The following LDHC variants were observed in gnomAD, a reference collection of about 807,000 sequenced individuals.
LDHC encodes the protein lactate dehydrogenase C, also known as L-lactate dehydrogenase C chain.
Under a neutral mutation model 30.2 loss-of-function variants are expected in LDHC, and 20 were observed. The ratio of observed to expected loss-of-function variants is 0.66; its 90% confidence interval spans 0.47 to 0.96. The LOEUF is 0.96. Among genes scored for constraint, LDHC ranks in the 40% least tolerant of loss-of-function variants. The pLI, the probability that LDHC is intolerant of heterozygous loss-of-function variation, is 0.00. For synonymous variants in LDHC, 139 were observed against 132.7 expected, an observed-to-expected ratio of 1.05 and a Z score of -0.32; for missense variants, 362 against 394.9, an observed-to-expected ratio of 0.92 and a Z score of 0.71.
intron 3 of LDHC, among the ~76,000 whole-genome samples, chr11:18,418,581 C>A (rs1226488763): frequency 2.6e-5 from 4 of 151,862 alleles, no homozygotes; most frequent in African/African-American, 9.7e-5. Flanking sequence ...AGGTGCATAC[C>A]ACCATGCCCA....
At chr11:18,443,465 T>C (rs1261964518) in intron 6 of LDHC, among the ~76,000 whole-genome samples, 3 of 150,148 alleles carry the variant, frequency 2.0e-5, no homozygotes, top group Non-Finnish European at 1.5e-5. Context: ...TCTTTCTTTT[T>C]TTTTTTTTTT....
At chr11:18,417,891 A>G (rs938300222) in intron 3 of LDHC, among the ~76,000 whole-genome samples, 2 of 152,120 alleles carry the variant, frequency 1.3e-5, no homozygotes, top group African/African-American at 4.8e-5. Flanking sequence ...CAACATAGTG[A>G]GACCCTGTCT....
At chr11:18,433,079 T>C (rs1848296502) in intron 4 of LDHC, among the ~76,000 whole-genome samples, 1 of 152,154 alleles carries the variant, frequency 6.6e-6, no homozygotes, top group African/African-American at 2.4e-5. Context: ...AGGTCCTGTG[T>C]GATTTATGCT....
At chr11:18,423,561 A>T (rs1225815456) in intron 3 of LDHC, among the ~76,000 whole-genome samples, 1 of 152,218 alleles carries the variant, frequency 6.6e-6, no homozygotes, top group Admixed American at 6.5e-5. Context: ...CACACACAAA[A>T]ATCAAAGCCA....
At chr11:18,420,448 G>T (rs1459779278) in intron 3 of LDHC, among the ~76,000 whole-genome samples, 1 of 152,056 alleles carries the variant, frequency 6.6e-6, no homozygotes, top group African/African-American at 2.4e-5. Flanking sequence ...AAGGGAGAGG[G>T]TGACAATAGC....
intron 3 of LDHC, among the ~76,000 whole-genome samples, chr11:18,426,485 C>G (rs922242344): frequency 6.8e-6 from 1 of 147,024 alleles, no homozygotes; most frequent in South Asian, 2.1e-4. Context: ...CAAGATCACG[C>G]CACTCCACTC....
chr11:18,446,173 A>G lies in LDHC; in HGVS notation c.711-37A>G, dbSNP rs1432756610. The G allele has an allele frequency of 2.6e-6, 4 of 1,548,566 alleles. No individual in the cohort carries two copies. The South Asian group carries it at 3.4e-5, about 13-fold the overall frequency. ...TATTATGTTTTCTCTGGGTTGACTTATTATGAATTTGATTTTCTTACTTTC... is the reference window on the plus strand; with the variant it reads ...TATTATGTTTTCTCTGGGTTGACTTGTTATGAATTTGATTTTCTTACTTTC... On this transcript the variant is annotated intron_variant, in intron 6 of 7. Transcript: ENST00000541669.
intron 7 of LDHC, among the ~76,000 whole-genome samples, chr11:18,448,387 G>A (rs12795955): frequency 0.12 from 18,272 of 152,066 alleles, 1,561 homozygotes; most frequent in African/African-American, 0.24. Flanking sequence ...GGGTTCAAGC[G>A]ATTCTTGTGC....
chr11:18,421,553 A>G (rs1848051308), intron 3 of LDHC, among the ~76,000 whole-genome samples: 1 of 151,926 alleles, frequency 6.6e-6, no homozygotes, highest in Non-Finnish European at 1.5e-5. Context: ...CATGCCTATA[A>G]TCCCAGCTAC....
chr11:18,451,171 G>A lies in LDHC; in HGVS notation c.*44G>A, dbSNP rs1848650562. On this transcript the variant is annotated 3_prime_UTR_variant, in exon 8 of 8. Transcript: ENST00000541669. ...TCCACTGTTTGGAGAACAGAAGATA[G>A]CAGGCTGTGTATTTTAAATTTTGAA... 8.2e-7 allele frequency: 1 copy of A among 1,223,432 alleles called. No homozygotes were observed. The highest frequency in any genetic ancestry group is 1.1e-6 in the Non-Finnish European group (1 of 907,284). The allele number at this position is 1,223,432 out of a possible 1,614,324, so 75.8% of individuals were successfully genotyped here.
At chr11:18,412,436 G>T in intron 1 of LDHC, 28 bp downstream of exon 1, 1 of 351,416 alleles carries the variant, frequency 2.8e-6, no homozygotes. Context: ...TGGGTCATCT[G>T]TACTGATTGC....
At chr11:18,445,687 T>G (rs1848542726) in intron 6 of LDHC, among the ~76,000 whole-genome samples, 1 of 152,180 alleles carries the variant, frequency 6.6e-6, no homozygotes, top group Non-Finnish European at 1.5e-5. Flanking sequence ...TTAAAAAAAG[T>G]AGGCTGGGCA....
At chr11:18,421,984 T>C (rs1173359729) in intron 3 of LDHC, among the ~76,000 whole-genome samples, 60 of 150,376 alleles carry the variant, frequency 4.0e-4, no homozygotes, top group African/African-American at 1.5e-3. Context: ...ATTAGCTGCA[T>C]GTGGTGGTGC....
intron 6 of LDHC, among the ~76,000 whole-genome samples, chr11:18,439,819 A>ACC (rs1288745246): frequency 5.6e-5 from 8 of 142,092 alleles, no homozygotes; most frequent in African/African-American, 2.1e-4. Context: ...ACTAAAAAAA[A>ACC]AAAAAAAAAA....
In LDHC at chr11:18,446,230, T is replaced by G; in HGVS notation, c.731T>G (p.Leu244Arg). 20 of 1,601,340 alleles carry G rather than the reference T, an allele frequency of 1.2e-5. No individual in the cohort carries two copies. The highest frequency in any genetic ancestry group is 1.7e-5 in the Non-Finnish European group (20 of 1,168,482). Residue 244 changes from leucine to arginine, a missense_variant, in exon 7 of 8, where the codon CTG becomes CGG. Physicochemically the swap from Leu to Arg is moderately radical, Grantham distance 102 (BLOSUM62 -2). Coordinates refer to ENST00000541669, the MANE Select transcript of LDHC (RefSeq NM_017448.5). ...TGTAGTGCCTATGAAATTATCAAGCTGAAGGGGTATACCTCTTGGGCTATT... is the reference window on the plus strand; with the variant it reads ...TGTAGTGCCTATGAAATTATCAAGCGGAAGGGGTATACCTCTTGGGCTATT... ...VIQSAYEIIK[L>R]KGYTSWAIGL...
chr11:18,412,833 T>C lies in LDHC; in HGVS notation c.116T>C (p.Ile39Thr), dbSNP rs1232472160. 3 of 1,613,372 alleles carry C rather than the reference T, an allele frequency of 1.9e-6. No homozygotes were observed. Among genetic ancestry groups the C allele is most frequent in the Non-Finnish European group, 2.5e-6 (3 of 1,179,726 alleles). The change falls in exon 2 of 8, where the codon ATC becomes ACC. Residue 39 changes from isoleucine (I) to threonine (T), a missense_variant. Transcript: ENST00000541669. ...GAVGMACAIS[I>T]LLKDLADELA... ...GTAGGCATGGCTTGTGCTATTAGTA[T>C]CTTACTGAAGGTGAGTGAGAAGCCC... is the stretch of plus-strand genomic sequence containing the variant.
chr11:18,412,890 A>C, intron 2 of LDHC, 47 bp downstream of exon 2: 2 of 1,587,872 alleles, frequency 1.3e-6, no homozygotes, highest in South Asian at 2.3e-5. Context: ...TGAGCACTTC[A>C]GAGTGTTGTA....
chr11:18,419,341 C>T (rs951064772), intron 3 of LDHC, among the ~76,000 whole-genome samples: 3 of 152,160 alleles, frequency 2.0e-5, no homozygotes, highest in Non-Finnish European at 4.4e-5. Flanking sequence ...AGAACTATAC[C>T]GTTAATGTAA....
chr11:18,431,224 C>A (rs1213733849), intron 4 of LDHC, among the ~76,000 whole-genome samples: 2 of 151,974 alleles, frequency 1.3e-5, no homozygotes, highest in Admixed American at 6.6e-5. Flanking sequence ...ACTTTGGGAG[C>A]CTAAGGCAGG....
Sources: gnomAD v4.1 joint callset for allele counts (sites outside exome capture counted in the v4.1 genomes callset) on GRCh38, gnomAD v4.1.1 for gene constraint, MANE v1.5 for transcripts, NCBI Gene and HGNC (gene_info 2026-07-23, HGNC 2026-07-21) for gene names.